CCDC6: variants seen among roughly 807,000 people sequenced by gnomAD.
CCDC6 encodes coiled-coil domain-containing protein 6.
In CCDC6, 20 loss-of-function variants were observed where a neutral mutation model predicts 56.6. The observed-to-expected ratio is 0.35, with a 90% CI of 0.25 to 0.51. The LOEUF is 0.51. Among genes scored for constraint, CCDC6 ranks in the 20% least tolerant of loss-of-function variants. The pLI, the probability that CCDC6 is intolerant of heterozygous loss-of-function variation, is 0.95. For missense variants in CCDC6, 367 were observed against 601.1 expected (o/e 0.61, Z 4.07); for synonymous variants, 241 against 234.4 (o/e 1.03, Z -0.26).
At chr10:59,853,853 C>T (rs556123060) in intron 1 of CCDC6, among the ~76,000 whole-genome samples, 28 of 152,128 alleles carry the variant, frequency 1.8e-4, no homozygotes, top group Non-Finnish European at 3.5e-4. Context: ...TCTGTAGATA[C>T]CCTCCTCTCT....
At position 59,889,689 on chromosome 10, in the gene CCDC6, G is replaced by T. The variant is rs529595718; in HGVS notation, c.303+16433C>A. Among the ~76,000 whole-genome samples, 8 of 152,286 alleles carry T rather than the reference G, an allele frequency of 5.3e-5. No individual in the cohort carries two copies. The South Asian group carries it at 1.7e-3, about 32-fold the overall frequency. On this transcript the variant is annotated intron_variant, in intron 1 of 8. Coordinates refer to ENST00000263102, the MANE Select transcript of CCDC6 (RefSeq NM_005436.5). Reference sequence around the variant, plus strand: ...GCCAATGAGATTCAGCCAATAAGAGGCACTAGCAAGAGATGGGAGGATGGA... The same window carrying T: ...GCCAATGAGATTCAGCCAATAAGAGTCACTAGCAAGAGATGGGAGGATGGA...
intron 3 of CCDC6, among the ~76,000 whole-genome samples, chr10:59,830,864 C>G (rs2070829525): frequency 6.6e-6 from 1 of 152,152 alleles, no homozygotes; most frequent in Admixed American, 6.6e-5. Context: ...TTCAAAGTCT[C>G]CTTTAGGAGC....
At chr10:59,874,215 A>C (rs1458216746) in intron 1 of CCDC6, among the ~76,000 whole-genome samples, 1 of 152,018 alleles carries the variant, frequency 6.6e-6, no homozygotes, top group Non-Finnish European at 1.5e-5. Flanking sequence ...ATGAGACAGG[A>C]CCTTACACTC....
intron 1 of CCDC6, among the ~76,000 whole-genome samples, chr10:59,892,435 G>A (rs1240766318): frequency 6.6e-6 from 1 of 152,142 alleles, no homozygotes; most frequent in East Asian, 1.9e-4. Context: ...GCATCCCCAA[G>A]CACCAGAGAA....
At position 59,852,720 on chromosome 10, in the gene CCDC6, A is replaced by G. The variant is rs2132656745; in HGVS notation, c.304-18T>C. The G allele has an allele frequency of 1.4e-6, 2 of 1,448,474 alleles. No homozygotes were observed. Among genetic ancestry groups the G allele is most frequent in the African/African-American group, 1.5e-5 (1 of 66,334 alleles). 89.7% of individuals were successfully genotyped at this position (1,448,474 alleles called of 1,614,324 possible). A position where few individuals can be genotyped will look rare whatever the true frequency, so the allele number is the denominator to read the frequency against. ...CTGGCTTGCTGTTTAAAAAAAAAAAAGGAAAGAACAAAACAAAACACATGT... is the reference window on the plus strand; with the variant it reads ...CTGGCTTGCTGTTTAAAAAAAAAAAGGGAAAGAACAAAACAAAACACATGT... On this transcript the variant is annotated intron_variant, in intron 1 of 8. Transcript: ENST00000263102.
intron 1 of CCDC6, among the ~76,000 whole-genome samples, chr10:59,887,137 G>A (rs550928696): frequency 2.6e-5 from 4 of 152,296 alleles, no homozygotes; most frequent in Admixed American, 2.6e-4. Flanking sequence ...AAAAAGTGAG[G>A]GAATTCCCTA....
intron 1 of CCDC6, among the ~76,000 whole-genome samples, chr10:59,879,855 G>A (rs779530793): frequency 3.3e-5 from 5 of 152,052 alleles, no homozygotes; most frequent in Admixed American, 1.3e-4. Context: ...TGCAATGAAC[G>A]ATAAACCCAA....
At chr10:59,808,370 A>C (rs779220696) in intron 5 of CCDC6, among the ~76,000 whole-genome samples, 1 of 152,170 alleles carries the variant, frequency 6.6e-6, no homozygotes, top group Non-Finnish European at 1.5e-5. Context: ...CATACTCCAC[A>C]ACCTTCCAAA....
chr10:59,816,854 G>T (rs1333317782), intron 3 of CCDC6, among the ~76,000 whole-genome samples: 2 of 152,078 alleles, frequency 1.3e-5, no homozygotes. Context: ...ATATATTAGA[G>T]GGCTTATTTG....
intron 1 of CCDC6, among the ~76,000 whole-genome samples, chr10:59,867,932 G>A (rs933075190): frequency 1.3e-5 from 2 of 152,068 alleles, no homozygotes; most frequent in Non-Finnish European, 2.9e-5. Flanking sequence ...TGCCCTTCCA[G>A]ATCAAAACAA....
At chr10:59,901,538 A>G (rs1170291446) in intron 1 of CCDC6, among the ~76,000 whole-genome samples, 1 of 152,172 alleles carries the variant, frequency 6.6e-6, no homozygotes, top group Non-Finnish European at 1.5e-5. Context: ...ACTTCAAAAC[A>G]CCTTGTACTT....
intron 5 of CCDC6, among the ~76,000 whole-genome samples, chr10:59,807,377 C>T (rs370872677): frequency 6.4e-4 from 98 of 152,060 alleles, no homozygotes; most frequent in African/African-American, 2.3e-3. Context: ...CCCAGCTATT[C>T]GGGAGGCTGA....
intron 1 of CCDC6, among the ~76,000 whole-genome samples, chr10:59,881,018 C>G (rs116657209): frequency 6.6e-6 from 1 of 151,982 alleles, no homozygotes; most frequent in African/African-American, 2.4e-5. Flanking sequence ...TGCCCGACCC[C>G]CTGCTGCACT....
Position 59,789,961 on chromosome 10 carries a change from A to G in CCDC6, c.*2956T>C, listed in dbSNP as rs1423036925. The G allele has an allele frequency of 1.8e-5, 4 of 217,756 alleles. No homozygotes were observed. The allele number at this position is 217,756 out of a possible 1,614,324, so 13.5% of individuals were successfully genotyped here. On this transcript the variant is annotated 3_prime_UTR_variant, in exon 9 of 9. Coordinates refer to ENST00000263102, the MANE Select transcript of CCDC6 (RefSeq NM_005436.5). ...TTGGTGTCAAAGCCACTTTCTGGTC[A>G]CACATTCATTCCATGGTTGCTAGTC... is the stretch of plus-strand genomic sequence containing the variant.
chr10:59,893,229 C>T (rs1287191356), intron 1 of CCDC6, among the ~76,000 whole-genome samples: 1 of 152,168 alleles, frequency 6.6e-6, no homozygotes, highest in Non-Finnish European at 1.5e-5. Context: ...GAACAGAGCA[C>T]ATGACAGTTT....
intron 1 of CCDC6, among the ~76,000 whole-genome samples, chr10:59,863,581 TAGTG>T (rs1419872893): frequency 6.6e-6 from 1 of 152,160 alleles, no homozygotes; most frequent in African/African-American, 2.4e-5. Context: ...GGGAGAGGGA[TAGTG>T]AGTGCTAAAA....
intron 3 of CCDC6, among the ~76,000 whole-genome samples, chr10:59,823,838 A>G (rs1189762680): frequency 6.6e-6 from 1 of 152,210 alleles, no homozygotes; most frequent in Admixed American, 6.5e-5. Context: ...TTTTGATCAT[A>G]AAGAAACAGA....
intron 2 of CCDC6, among the ~76,000 whole-genome samples, chr10:59,845,346 G>GTTTTTTT (rs151236986): frequency 2.1e-5 from 2 of 96,946 alleles, no homozygotes; most frequent in East Asian, 3.3e-4. Flanking sequence ...GCCCCTATGG[G>GTTTTTTT]TTTTTTTTTT....
chr10:59,836,053 A>G (rs368222094), intron 2 of CCDC6, among the ~76,000 whole-genome samples: 4 of 90,548 alleles, frequency 4.4e-5, no homozygotes, highest in Admixed American at 1.1e-4. Flanking sequence ...GACCCTGTCT[A>G]AAAAAAAAAA....
Sources: allele counts gnomAD v4.1 joint callset (sites outside exome capture counted in the v4.1 genomes callset), GRCh38; gene constraint gnomAD v4.1.1; transcripts MANE v1.5; gene names NCBI Gene and HGNC (gene_info 2026-07-23, HGNC 2026-07-21).